Variants in UNC13C observed in about 807,000 individuals in gnomAD.
The protein encoded by UNC13C is protein unc-13 homolog C.
A neutral mutation model predicts 245.4 loss-of-function variants in UNC13C; 174 were observed. That is an observed-to-expected ratio of 0.71 (90% CI 0.63 to 0.80). The LOEUF is 0.80. Among genes scored for constraint, UNC13C ranks in the 30% least tolerant of loss-of-function variants. UNC13C has a pLI of 0.00. For missense variants in UNC13C, 2,829 were observed against 2,602.9 expected (o/e 1.09, Z -1.89); for synonymous variants, 992 against 895.1 (o/e 1.11, Z -1.93).
chr15:54,457,958 G>A (rs150525165), intron 19 of UNC13C, among the ~76,000 whole-genome samples: 20 of 136,018 alleles, frequency 1.5e-4, no homozygotes, highest in African/African-American at 5.0e-4. Context: ...TGTTTCTCCA[G>A]TTCCTTGAGG....
At chr15:54,623,986 C>T (rs1451611736) in intron 32 of UNC13C, 32 bp downstream of exon 32, 2 of 1,611,346 alleles carry the variant, frequency 1.2e-6, no homozygotes, top group Non-Finnish European at 1.7e-6. Context: ...CTTATTCTAC[C>T]AGGCAATAGT....
At chr15:54,526,322 G>A (rs1465724132) in intron 25 of UNC13C, among the ~76,000 whole-genome samples, 1 of 152,120 alleles carries the variant, frequency 6.6e-6, no homozygotes, top group Admixed American at 6.5e-5. Flanking sequence ...AAATAGCTAG[G>A]AAAGAAAATA....
chr15:53,843,658 A>G, the UNC13C span, among the ~76,000 whole-genome samples: 1 of 152,162 alleles, frequency 6.6e-6, no homozygotes, highest in Non-Finnish European at 1.5e-5. Context: ...AGAGCCCATG[A>G]AGAAGACTGA....
At chr15:54,511,035 C>T (rs1435651391) in intron 23 of UNC13C, among the ~76,000 whole-genome samples, 1 of 152,098 alleles carries the variant, frequency 6.6e-6, no homozygotes, top group Non-Finnish European at 1.5e-5. Context: ...TATATGTACA[C>T]CACTGTGCAG....
At chr15:54,221,928 G>T (rs1596031832) in intron 4 of UNC13C, among the ~76,000 whole-genome samples, 1 of 151,992 alleles carries the variant, frequency 6.6e-6, no homozygotes, top group African/African-American at 2.4e-5. Flanking sequence ...TTGCTTGATA[G>T]TTTTTTGGGA....
chr15:54,423,819 G>A (rs1001517663), intron 19 of UNC13C, among the ~76,000 whole-genome samples: 6 of 151,714 alleles, frequency 4.0e-5, no homozygotes, highest in Non-Finnish European at 7.4e-5. Flanking sequence ...TCATTTTCCT[G>A]CTATTAGTTT....
intron 18 of UNC13C, among the ~76,000 whole-genome samples, chr15:54,395,751 T>A (rs1355088762): frequency 6.6e-6 from 1 of 151,832 alleles, no homozygotes; most frequent in Non-Finnish European, 1.5e-5. Context: ...TTACTCAAAT[T>A]TGATAACAAG....
intron 30 of UNC13C, among the ~76,000 whole-genome samples, chr15:54,592,486 C>T (rs961216389): frequency 6.6e-6 from 1 of 152,106 alleles, no homozygotes; most frequent in Admixed American, 6.6e-5. Context: ...CCAGTGTTAG[C>T]TGTATATATG....
intron 19 of UNC13C, among the ~76,000 whole-genome samples, chr15:54,479,045 T>A (rs1257770996): frequency 6.6e-6 from 1 of 152,006 alleles, no homozygotes. Flanking sequence ...GCACCATTAT[T>A]GAAGAGGGTA....
intron 13 of UNC13C, among the ~76,000 whole-genome samples, chr15:54,313,313 C>T (rs999603549): frequency 2.0e-5 from 3 of 151,766 alleles, no homozygotes; most frequent in African/African-American, 7.3e-5. Flanking sequence ...ATGTCCTGTA[C>T]ACTCTAACTC....
chr15:53,908,238 C>T, the UNC13C span, among the ~76,000 whole-genome samples: 4 of 146,326 alleles, frequency 2.7e-5, no homozygotes, highest in East Asian at 2.0e-4. Context: ...TTTTGTCCTA[C>T]TTTTCTTGTT....
intron 1 of UNC13C, among the ~76,000 whole-genome samples, chr15:54,006,762 T>C (rs1478911412): frequency 1.3e-5 from 2 of 152,238 alleles, no homozygotes; most frequent in Non-Finnish European, 2.9e-5. Context: ...CATGCTCCCC[T>C]TTATCAATCC....
rs369280351 is a variant in UNC13C at position 54,550,087 on chromosome 15, T to G, written c.5877+396T>G. 4.6e-5 allele frequency among the ~76,000 whole-genome samples: 7 copies of G among 152,286 alleles called. No individual in the cohort carries two copies. The South Asian group carries it at 6.2e-4, about 14-fold the overall frequency. ...GGGAGATGTTCTGACTAAATGACCTTGTGCTTAGTTATAATTTGAGATTCC... is the reference window on the plus strand; with the variant it reads ...GGGAGATGTTCTGACTAAATGACCTGGTGCTTAGTTATAATTTGAGATTCC... On this transcript the variant is annotated intron_variant, in intron 28 of 32. Transcript: ENST00000260323.
intron 2 of UNC13C, among the ~76,000 whole-genome samples, chr15:54,035,871 G>A (rs1291827954): frequency 6.6e-6 from 1 of 152,092 alleles, no homozygotes; most frequent in African/African-American, 2.4e-5. Context: ...GGATGATTTG[G>A]ATTCTTACGT....
intron 4 of UNC13C, among the ~76,000 whole-genome samples, chr15:54,220,406 T>C (rs1159713746): frequency 8.1e-6 from 1 of 124,056 alleles, no homozygotes; most frequent in Non-Finnish European, 1.6e-5. Flanking sequence ...TGAGAACACA[T>C]GGACACAGGA....
intron 30 of UNC13C, among the ~76,000 whole-genome samples, chr15:54,591,515 G>C (rs1190933750): frequency 6.6e-6 from 1 of 152,076 alleles, no homozygotes; most frequent in Non-Finnish European, 1.5e-5. Context: ...ATTTAGGCTA[G>C]GAGGGTTGTA....
At chr15:54,419,863 G>A (rs535067504) in intron 19 of UNC13C, among the ~76,000 whole-genome samples, 130 of 152,064 alleles carry the variant, frequency 8.5e-4, no homozygotes, top group Non-Finnish European at 1.4e-3. Context: ...AATACAGCTG[G>A]TCTCTCACTG....
chr15:54,426,278 C>T (rs928981462), intron 19 of UNC13C, among the ~76,000 whole-genome samples: 26 of 149,636 alleles, frequency 1.7e-4, no homozygotes, highest in Non-Finnish European at 3.6e-4. Context: ...CAGGACTTGG[C>T]CTCATCTGAA....
intron 17 of UNC13C, among the ~76,000 whole-genome samples, chr15:54,385,796 G>A (rs371441215): frequency 1.3e-4 from 19 of 151,846 alleles, no homozygotes; most frequent in East Asian, 1.9e-4. Context: ...TGCTCTATGC[G>A]TGCAAGGAAC....
Sources: gnomAD v4.1 joint callset for allele counts (sites outside exome capture counted in the v4.1 genomes callset) on GRCh38, gnomAD v4.1.1 for gene constraint, MANE v1.5 for transcripts, NCBI Gene and HGNC (gene_info 2026-07-23, HGNC 2026-07-21) for gene names.